SLCO4C1: variants seen among roughly 807,000 people sequenced by gnomAD.
The protein encoded by SLCO4C1 is solute carrier organic anion transporter family member 4C1.
Under a neutral mutation model 72.1 loss-of-function variants are expected in SLCO4C1, and 58 were observed. That is an observed-to-expected ratio of 0.80 (90% CI 0.65 to 1.00). The LOEUF is 1.00. Ranked by LOEUF, SLCO4C1 falls within the 50% of genes least tolerant of loss-of-function variation. SLCO4C1 has a pLI of 0.00. For synonymous variants in SLCO4C1, 297 were observed against 312.5 expected, an observed-to-expected ratio of 0.95 and a Z score of 0.52; for missense variants, 898 against 857.9, an observed-to-expected ratio of 1.05 and a Z score of -0.58.
rs1169429622 is a variant in SLCO4C1, at chr5:102,234,036, T to C, written c.*2822A>G. ...AAATGGTATGAATATATATTTTGCA[T>C]ACTTTACAATAAAGAAAATTTTGAA... On this transcript the variant is annotated 3_prime_UTR_variant, in exon 13 of 13. Transcript: ENST00000310954. 47 of 152,182 alleles carry C rather than the reference T, an allele frequency of 3.1e-4. No homozygotes were observed. 9.4% of individuals were successfully genotyped at this position (152,182 alleles called of 1,614,324 possible).
intron 10 of SLCO4C1, among the ~76,000 whole-genome samples, chr5:102,241,056 CA>C (rs902871832): frequency 2.0e-5 from 3 of 151,954 alleles, no homozygotes; most frequent in African/African-American, 7.2e-5. Context: ...TATTCATTAA[CA>C]AGACATATTT....
In SLCO4C1 at chr5:102,243,597, G is replaced by T. The variant is rs142982083; in HGVS notation, c.1812-2815C>A. 1.8e-4 allele frequency among the ~76,000 whole-genome samples: 27 copies of T among 152,280 alleles called. No homozygotes were observed. The East Asian group carries it at 4.8e-3, about 27-fold the overall frequency. ...AGAACACCCAAGTCCTTTCAAATAT[G>T]TGGAAAGCCATCCCAAGAAGGATGG... is the stretch of plus-strand genomic sequence containing the variant. On this transcript the variant is annotated intron_variant, in intron 10 of 12. Coordinates refer to ENST00000310954, the MANE Select transcript of SLCO4C1 (RefSeq NM_180991.5).
chr5:102,236,907 G>A lies in SLCO4C1; in HGVS notation c.2126C>T (p.Thr709Ile), dbSNP rs777574250. 1.9e-6 allele frequency: 3 copies of A among 1,612,556 alleles called. No individual in the cohort carries two copies. Among genetic ancestry groups the A allele is most frequent in the Non-Finnish European group, 2.5e-6 (3 of 1,179,672 alleles). Residue 709 changes from threonine (T) to isoleucine (I), a missense_variant, in exon 13 of 13, where the codon ACT becomes ATT. Coordinates refer to ENST00000310954, the MANE Select transcript of SLCO4C1 (RefSeq NM_180991.5). ...VSFHKENAVV[T>I]NVLAEQDLNK... ...GAGATCCTGTTCTGCTAAAACATTA[G>A]TCACAACTGCATTCTCTTTATGAAA...
At chr5:102,239,155 T>A in intron 12 of SLCO4C1, 96 bp downstream of exon 12, 5 of 1,177,598 alleles carry the variant, frequency 4.2e-6, no homozygotes, top group Non-Finnish European at 5.8e-6. Context: ...GGACTGAACA[T>A]TTCAAAATAC....
Position 102,270,686 on chromosome 5 carries a change from T to C in SLCO4C1, c.740A>G (p.Tyr247Cys). ...LLLGAGGTPL[Y>C]TLGTAFLDDS... ...ATCAAGAAAGGCTGTTCCCAGAGTA[T>C]AAAGAGGAGTTCCTCCTGCCCCCAG... is the stretch of plus-strand genomic sequence containing the variant. Residue 247 changes from tyrosine (Y) to cysteine (C), a missense_variant, in exon 3 of 13, where the codon TAT (tyrosine) becomes TGT (cysteine). Tyr to Cys is a radical substitution (Grantham distance 194). Coordinates refer to ENST00000310954, the MANE Select transcript of SLCO4C1 (RefSeq NM_180991.5). The C allele has an allele frequency of 6.2e-7, 1 of 1,613,316 alleles. No individual in the cohort carries two copies. Among genetic ancestry groups the C allele is most frequent in the Non-Finnish European group, 8.5e-7 (1 of 1,179,562 alleles).
intron 3 of SLCO4C1, among the ~76,000 whole-genome samples, chr5:102,264,291 T>C (rs1748995314): frequency 6.6e-6 from 1 of 152,140 alleles, no homozygotes; most frequent in African/African-American, 2.4e-5. Context: ...TCCCTATTTT[T>C]ACTTGCAGTA....
In SLCO4C1 at chr5:102,249,685, G is replaced by C. The variant is rs1748700577; in HGVS notation, c.1573C>G (p.Pro525Ala). The change falls in exon 9 of 13, where the codon CCC becomes GCC. Residue 525 changes from proline to alanine, a missense_variant. Transcript: ENST00000310954. Reference protein sequence around the residue: ...VCGDGVQYFSPCFAGCSNPVA... With the variant: ...VCGDGVQYFSACFAGCSNPVA... ...GGGTTTGAACAGCCTGCAAAGCAGG[G>C]AGAAAAATATTGGACTCCATCTCCA... 1 of 1,613,876 alleles carries C rather than the reference G, an allele frequency of 6.2e-7. No homozygotes were observed. The highest frequency in any genetic ancestry group is 8.5e-7 in the Non-Finnish European group (1 of 1,179,934).
chr5:102,261,472 A>G (rs1443206562), intron 5 of SLCO4C1, among the ~76,000 whole-genome samples: 1 of 152,058 alleles, frequency 6.6e-6, no homozygotes, highest in East Asian at 1.9e-4. Flanking sequence ...AAAAAAAAAA[A>G]AAGTACGCTA....
chr5:102,262,884 A>G (rs1414306643), intron 4 of SLCO4C1, among the ~76,000 whole-genome samples: 1 of 152,164 alleles, frequency 6.6e-6, no homozygotes, highest in African/African-American at 2.4e-5. Flanking sequence ...CAGTTTAGAG[A>G]ACAAATCACA....
intron 5 of SLCO4C1, 46 bp from the exon 6 acceptor site, chr5:102,260,365 A>G (rs1296726688): frequency 4.5e-6 from 1 of 221,752 alleles, no homozygotes; most frequent in African/African-American, 5.9e-5. Flanking sequence ...TATTATACAT[A>G]TAATATATTA....
chr5:102,279,600 G>C (rs955395961), intron 2 of SLCO4C1, among the ~76,000 whole-genome samples: 1 of 151,780 alleles, frequency 6.6e-6, no homozygotes, highest in Non-Finnish European at 1.5e-5. Context: ...AAACTACAAA[G>C]CCAAATAGAG....
At chr5:102,273,339 G>A (rs115710233) in intron 2 of SLCO4C1, among the ~76,000 whole-genome samples, 1 of 152,048 alleles carries the variant, frequency 6.6e-6, no homozygotes, top group African/African-American at 2.4e-5. Flanking sequence ...GATTTAAAAA[G>A]ATATGGAGAA....
chr5:102,237,182 A>T (rs1349260231), intron 12 of SLCO4C1, among the ~76,000 whole-genome samples, 164 bp from the exon 13 acceptor site: 1 of 152,208 alleles, frequency 6.6e-6, no homozygotes, highest in East Asian at 1.9e-4. Context: ...AAGAAAAAAC[A>T]TTTGTATACA....
At chr5:102,289,340 A>G (rs957356290) in intron 2 of SLCO4C1, among the ~76,000 whole-genome samples, 10 of 152,232 alleles carry the variant, frequency 6.6e-5, no homozygotes, top group African/African-American at 2.4e-4. Context: ...AACTCCAGGT[A>G]TAAATGGCAA....
At chr5:102,249,416 G>A (rs2112345415) in intron 9 of SLCO4C1, among the ~76,000 whole-genome samples, 1 of 152,232 alleles carries the variant, frequency 6.6e-6, no homozygotes. Flanking sequence ...GCAACAAAGT[G>A]ATGTTACTAA....
At chr5:102,241,431 C>T (rs1411040907) in intron 10 of SLCO4C1, among the ~76,000 whole-genome samples, 1 of 151,652 alleles carries the variant, frequency 6.6e-6, no homozygotes, top group Non-Finnish European at 1.5e-5. Flanking sequence ...AATCATAATA[C>T]AAAAATCAGC....
At chr5:102,278,971 AGAAG>A (rs1397233937) in intron 2 of SLCO4C1, among the ~76,000 whole-genome samples, 35 of 151,728 alleles carry the variant, frequency 2.3e-4, no homozygotes, top group Non-Finnish European at 4.4e-5. Context: ...TAAAATAAGT[AGAAG>A]GAAGAAAATA....
In SLCO4C1 at chr5:102,296,232, C is replaced by A. The variant is rs1191405008; in HGVS notation, c.31G>T (p.Ala11Ser). The change falls in exon 1 of 13, where the codon GCT becomes TCT. Residue 11 changes from alanine (A) to serine (S), a missense_variant. By Grantham distance (99) the Ala-to-Ser change is moderately conservative (BLOSUM62 1). Coordinates refer to ENST00000310954, the MANE Select transcript of SLCO4C1 (RefSeq NM_180991.5). MKSAKGIENL[A>S]FVPSSPDILR... ...ATGTCTGGGCTGGAGGGGACAAAAG[C>A]CAAGTTCTCAATACCTTTGGCGCTC... The A allele has an allele frequency of 6.4e-7, 1 of 1,565,482 alleles. No homozygotes were observed. The highest frequency in any genetic ancestry group is 1.7e-4 in the Middle Eastern group (1 of 5,772).
Position 102,296,029 on chromosome 5 carries a change from C to A in SLCO4C1, c.234G>T (p.Leu78=). The A allele has an allele frequency of 6.2e-7, 1 of 1,614,230 alleles. No individual in the cohort carries two copies. The highest frequency in any genetic ancestry group is 8.5e-7 in the Non-Finnish European group (1 of 1,180,052). ...PNVSEEKLRS[L]SLSEFEEGSY... ...ACCCCTCCTCAAACTCGGACAGCGA[C>A]AGTGACCGGAGCTTCTCTTCGGAGA... is the stretch of plus-strand genomic sequence containing the variant. The change falls in exon 1 of 13, where the codon CTG becomes CTT. Residue 78 remains leucine, a synonymous_variant. Transcript: ENST00000310954.
Sources: gnomAD v4.1 joint callset for allele counts (sites outside exome capture counted in the v4.1 genomes callset) on GRCh38, gnomAD v4.1.1 for gene constraint, MANE v1.5 for transcripts, NCBI Gene and HGNC (gene_info 2026-07-23, HGNC 2026-07-21) for gene names.